Variants in NEXN observed in about 807,000 individuals in gnomAD.
The protein encoded by NEXN is nexilin.
In NEXN, 65 loss-of-function variants were observed where a neutral mutation model predicts 92.6. The ratio of observed to expected loss-of-function variants is 0.70; its 90% CI spans 0.57 to 0.86. NEXN has a LOEUF of 0.86. NEXN is among the 40% of genes least tolerant of loss of function. NEXN has a pLI of 0.00. For synonymous variants in NEXN, 254 were observed against 242.5 expected (o/e 1.05, Z -0.44); for missense variants, 778 against 771.1 (o/e 1.01, Z -0.11).
chr1:77,925,927 T>C (rs1017060954), intron 6 of NEXN, among the ~76,000 whole-genome samples: 2 of 152,034 alleles, frequency 1.3e-5, no homozygotes, highest in Admixed American at 6.6e-5. Flanking sequence ...CTATAATATA[T>C]ATAAATGTTT....
intron 6 of NEXN, 102 bp from the exon 7 acceptor site, chr1:77,926,312 T>C (rs1649833626): frequency 2.7e-6 from 2 of 740,524 alleles, no homozygotes; most frequent in Non-Finnish European, 4.6e-6. Context: ...CATAATAACA[T>C]TGATGACAGT....
intron 8 of NEXN, among the ~76,000 whole-genome samples, chr1:77,928,974 A>G (rs935052228): frequency 1.1e-4 from 17 of 151,712 alleles, no homozygotes; most frequent in Non-Finnish European, 4.4e-5. Context: ...CTGGTCTTGA[A>G]CTCCTGGGTT....
At chr1:77,931,483 A>C (rs926999691) in intron 9 of NEXN, among the ~76,000 whole-genome samples, 1 of 150,590 alleles carries the variant, frequency 6.6e-6, no homozygotes, top group African/African-American at 2.4e-5. Flanking sequence ...TACTAGACCT[A>C]GTCCTTGGGG....
intron 5 of NEXN, among the ~76,000 whole-genome samples, chr1:77,919,273 A>G (rs1481547855): frequency 1.3e-5 from 2 of 152,174 alleles, no homozygotes; most frequent in Non-Finnish European, 2.9e-5. Context: ...GAATTATGGG[A>G]GTACAATTCA....
At chr1:77,935,200 G>C (rs1368577097) in intron 10 of NEXN, among the ~76,000 whole-genome samples, 1 of 152,116 alleles carries the variant, frequency 6.6e-6, no homozygotes. Flanking sequence ...ACCATGCCCG[G>C]CTAATTTTTG....
chr1:77,935,332 C>T lies in NEXN; in HGVS notation c.1252-491C>T, dbSNP rs1305480927. Among the ~76,000 whole-genome samples, 3 of 152,278 alleles carry T rather than the reference C, an allele frequency of 2.0e-5. No individual in the cohort carries two copies. In the East Asian group the frequency reaches 5.8e-4, roughly 29 times the overall value. The stretch of plus-strand genomic sequence containing the variant: ...GGATTACAGGCGTGAGCCACTGCAC[C>T]CAGCCTAGTGTTCTTTCAATTATTT... On this transcript the variant is annotated intron_variant, in intron 10 of 12. Transcript: ENST00000334785.
intron 1 of NEXN, among the ~76,000 whole-genome samples, chr1:77,895,970 G>A (rs1557958673): frequency 6.6e-6 from 1 of 151,812 alleles, no homozygotes; most frequent in African/African-American, 2.4e-5. Context: ...GAGGTCAGGA[G>A]TTGGAGACCA....
chr1:77,939,255 T>C (rs1250336936), intron 11 of NEXN, among the ~76,000 whole-genome samples: 1 of 151,966 alleles, frequency 6.6e-6, no homozygotes, highest in East Asian at 1.9e-4. Context: ...GGAGTTGGGG[T>C]GAATAGTTTT....
At chr1:77,907,026 T>A (rs917060911) in intron 1 of NEXN, among the ~76,000 whole-genome samples, 1 of 152,230 alleles carries the variant, frequency 6.6e-6, no homozygotes, top group African/African-American at 2.4e-5. Flanking sequence ...ACAATGCTTG[T>A]TAACTACTTG....
At chr1:77,908,394 ATTTTT>A (rs34361411) in intron 1 of NEXN, among the ~76,000 whole-genome samples, 1 of 36,306 alleles carries the variant, frequency 2.8e-5, no homozygotes, top group Admixed American at 4.0e-4. Context: ...CCCTACCTCT[ATTTTT>A]TTTTTTTTTT....
chr1:77,940,325 G>A (rs761717104), intron 11 of NEXN, among the ~76,000 whole-genome samples: 1 of 152,034 alleles, frequency 6.6e-6, no homozygotes, highest in Non-Finnish European at 1.5e-5. Context: ...ATATTCATGG[G>A]CTGAGAGTAC....
chr1:77,929,952 T>C (rs1439521700), intron 9 of NEXN, among the ~76,000 whole-genome samples: 1 of 152,190 alleles, frequency 6.6e-6, no homozygotes, highest in African/African-American at 2.4e-5. Flanking sequence ...TTAAATGACC[T>C]GAGTCATTTA....
chr1:77,929,598 C>A, intron 9 of NEXN, 94 bp downstream of exon 9: 1 of 1,528,488 alleles, frequency 6.5e-7, no homozygotes, highest in African/African-American at 1.4e-5. Context: ...CCTATTATTT[C>A]TGGAAACTGT....
intron 6 of NEXN, 60 bp from the exon 7 acceptor site, chr1:77,926,354 T>A: frequency 8.5e-7 from 1 of 1,170,078 alleles, no homozygotes; most frequent in Non-Finnish European, 1.3e-6. Context: ...GGAGGTAAAG[T>A]CCCATGAAAC....
chr1:77,932,911 T>C (rs1650420063), intron 9 of NEXN: 1 of 188,780 alleles, frequency 5.3e-6, no homozygotes, highest in Admixed American at 5.4e-5. Context: ...ACGCCTGTAA[T>C]CCCAGCACTT....
chr1:77,930,773 A>G (rs1571144758), intron 9 of NEXN, among the ~76,000 whole-genome samples: 1 of 152,228 alleles, frequency 6.6e-6, no homozygotes, highest in East Asian at 1.9e-4. Context: ...CCAATTCATA[A>G]CTTTCCATTT....
intron 1 of NEXN, among the ~76,000 whole-genome samples, chr1:77,909,635 C>T (rs937212397): frequency 1.3e-5 from 2 of 151,904 alleles, no homozygotes; most frequent in South Asian, 2.1e-4. Context: ...TCATAAGCAC[C>T]GACAGACCCA....
Position 77,920,496 on chromosome 1 carries a change from C to T in NEXN, c.447+2223C>T, listed in dbSNP as rs563401369. Reference sequence around the variant, plus strand: ...GAGAGCTGGACATGGTGACTCATGCCTGTAATCCCAGCTCTTTGGGAGGCT... The same window carrying T: ...GAGAGCTGGACATGGTGACTCATGCTTGTAATCCCAGCTCTTTGGGAGGCT... On this transcript the variant is annotated intron_variant, in intron 5 of 12. Coordinates refer to ENST00000334785, the MANE Select transcript of NEXN (RefSeq NM_144573.4). 2.0e-5 allele frequency among the ~76,000 whole-genome samples: 3 copies of T among 152,026 alleles called. No homozygotes were observed. In the East Asian group the frequency reaches 5.8e-4, roughly 29 times the overall value.
chr1:77,931,716 T>C (rs1429292371), intron 9 of NEXN: 2 of 152,196 alleles, frequency 1.3e-5, no homozygotes, highest in Non-Finnish European at 2.9e-5. Flanking sequence ...AGTTCATGCA[T>C]ATGTAAAATT....
Sources: allele counts gnomAD v4.1 joint callset (sites outside exome capture counted in the v4.1 genomes callset), GRCh38; gene constraint gnomAD v4.1.1; transcripts MANE v1.5; gene names NCBI Gene and HGNC (gene_info 2026-07-23, HGNC 2026-07-21).